SRGAP3: variants seen among roughly 807,000 people sequenced by gnomAD.
The protein encoded by SRGAP3 is SLIT-ROBO Rho GTPase-activating protein 3.
Under a neutral mutation model 121.1 loss-of-function variants are expected in SRGAP3, and 39 were observed. That is an observed-to-expected ratio of 0.32 (90% confidence interval 0.25 to 0.42). The LOEUF (loss-of-function observed/expected upper bound fraction) is 0.42, where lower values mean the gene tolerates loss of function less well. SRGAP3 is among the 10% of genes least tolerant of loss of function. The pLI is 1.00. For synonymous variants in SRGAP3, 601 were observed against 570.0 expected (o/e 1.05, Z -0.77); for missense variants, 1,213 against 1,470.6 (o/e 0.82, Z 2.86).
chr3:8,996,275 G>A (rs1363633109), intron 18 of SRGAP3, among the ~76,000 whole-genome samples: 1 of 102,008 alleles, frequency 9.8e-6, no homozygotes, highest in Non-Finnish European at 2.1e-5. Context: ...TAAGGGCCAC[G>A]GATGGCATGG....
intron 3 of SRGAP3, among the ~76,000 whole-genome samples, chr3:9,082,349 T>C (rs146553272): frequency 9.8e-5 from 15 of 152,322 alleles, no homozygotes; most frequent in African/African-American, 3.6e-4. Flanking sequence ...AACAGACTAA[T>C]ACAATGCCCT....
chr3:9,329,777 T>C (rs552140124), intron 2 of SRGAP3, among the ~76,000 whole-genome samples: 30 of 152,032 alleles, frequency 2.0e-4, no homozygotes, highest in Non-Finnish European at 3.8e-4. Flanking sequence ...TTTCCCCTTT[T>C]TTGGGTGGGA....
chr3:9,361,774 T>G (rs967515715), intron 1 of SRGAP3, among the ~76,000 whole-genome samples: 1 of 152,172 alleles, frequency 6.6e-6, no homozygotes, highest in Admixed American at 6.5e-5. Flanking sequence ...AACAACCGAC[T>G]AGCATTCCTT....
intron 3 of SRGAP3, among the ~76,000 whole-genome samples, chr3:9,255,218 C>T (rs1954105984): frequency 6.6e-6 from 1 of 152,124 alleles, no homozygotes; most frequent in African/African-American, 2.4e-5. Context: ...ATAATGCCAA[C>T]CACCCAGTAG....
intron 3 of SRGAP3, among the ~76,000 whole-genome samples, chr3:9,292,332 C>G (rs1446612291): frequency 6.6e-6 from 1 of 152,174 alleles, no homozygotes; most frequent in Admixed American, 6.5e-5. Context: ...TGAGACCACA[C>G]GTTGAGAACC....
In SRGAP3 at chr3:9,177,300, G is replaced by A. The variant is rs375701839; in HGVS notation, c.68-52383C>T. On this transcript the variant is annotated intron_variant, in intron 1 of 21. Transcript: ENST00000383836. The stretch of plus-strand genomic sequence containing the variant: ...ATCCTATAAGAAATTTACAACTTCA[G>A]TTGAAATTGCGATGAAGAGGTTTAC... Among the ~76,000 whole-genome samples, 15 of 152,348 alleles carry A rather than the reference G, an allele frequency of 9.8e-5. No individual in the cohort carries two copies. In the East Asian group the frequency reaches 2.9e-3, roughly 29 times the overall value.
chr3:8,990,152 T>C (rs936215231), intron 21 of SRGAP3, among the ~76,000 whole-genome samples: 1 of 152,322 alleles, frequency 6.6e-6, no homozygotes, highest in East Asian at 1.9e-4. Flanking sequence ...TGCCAGTGAA[T>C]GAATTGATGA....
At chr3:9,183,783 C>G (rs1358469184) in intron 1 of SRGAP3, among the ~76,000 whole-genome samples, 2 of 151,892 alleles carry the variant, frequency 1.3e-5, no homozygotes. Flanking sequence ...CACACACACA[C>G]ACACACACAC....
intron 3 of SRGAP3, chr3:9,293,051 A>G (rs1954895590): frequency 7.2e-6 from 1 of 139,528 alleles, no homozygotes; most frequent in African/African-American, 2.6e-5. Flanking sequence ...AAGAAAATGA[A>G]AAAAAAAACC....
chr3:8,987,963 T>C (rs1185397016), intron 21 of SRGAP3, among the ~76,000 whole-genome samples: 12 of 152,318 alleles, frequency 7.9e-5, no homozygotes, highest in Middle Eastern at 3.4e-3. Context: ...ATGAGCTGCA[T>C]GGTGAAACTT....
chr3:9,347,315 C>T (rs906371918), intron 1 of SRGAP3, among the ~76,000 whole-genome samples: 1 of 152,162 alleles, frequency 6.6e-6, no homozygotes, highest in African/African-American at 2.4e-5. Flanking sequence ...CATGCACCAC[C>T]ATGCCTGGCT....
chr3:9,252,053 G>A (rs1324534307), upstream of SRGAP3, among the ~76,000 whole-genome samples: 2 of 152,178 alleles, frequency 1.3e-5, no homozygotes, highest in Admixed American at 1.3e-4. Context: ...GATCTGGTGG[G>A]CAGTGTTTGG....
intron 2 of SRGAP3, among the ~76,000 whole-genome samples, chr3:9,121,663 G>A (rs1019444055): frequency 6.6e-6 from 1 of 152,226 alleles, no homozygotes; most frequent in Non-Finnish European, 1.5e-5. Context: ...CCCATGAGGG[G>A]CTGGCCGAGC....
chr3:8,987,642 T>C (rs755803998), intron 21 of SRGAP3, among the ~76,000 whole-genome samples: 5 of 150,818 alleles, frequency 3.3e-5, no homozygotes, highest in Non-Finnish European at 5.9e-5. Flanking sequence ...CTGTCCTTTT[T>C]GTTAGGGGAC....
chr3:9,299,874 T>C (rs1315629858), intron 3 of SRGAP3, among the ~76,000 whole-genome samples: 2 of 152,006 alleles, frequency 1.3e-5, no homozygotes, highest in African/African-American at 2.4e-5. Flanking sequence ...CAGTGCACTC[T>C]AGCCTGGGCG....
At chr3:9,288,101 G>A (rs1295920013) in intron 3 of SRGAP3, among the ~76,000 whole-genome samples, 3 of 149,218 alleles carry the variant, frequency 2.0e-5, no homozygotes, top group Non-Finnish European at 3.0e-5. Context: ...ATTCAATAAA[G>A]CAATATTGAA....
At chr3:9,214,912 C>T (rs543202416) in intron 1 of SRGAP3, among the ~76,000 whole-genome samples, 3 of 152,274 alleles carry the variant, frequency 2.0e-5, no homozygotes, top group Non-Finnish European at 4.4e-5. Flanking sequence ...AAGTCAAAGG[C>T]ACAACAAGCA....
chr3:9,255,676 A>G (rs1954116802), intron 3 of SRGAP3, among the ~76,000 whole-genome samples: 1 of 152,144 alleles, frequency 6.6e-6, no homozygotes, highest in African/African-American at 2.4e-5. Context: ...CATGGCCCCA[A>G]GAGGTGAGCC....
chr3:9,349,099 CA>C, intron 1 of SRGAP3: 2 of 903,650 alleles, frequency 2.2e-6, no homozygotes, highest in East Asian at 2.5e-5. Context: ...ATGAATTGGA[CA>C]AGAACTTGAA....
Sources: allele counts gnomAD v4.1 joint callset (sites outside exome capture counted in the v4.1 genomes callset), GRCh38; gene constraint gnomAD v4.1.1; transcripts MANE v1.5; gene names NCBI Gene and HGNC (gene_info 2026-07-23, HGNC 2026-07-21).